The following ZNF541 variants were observed in gnomAD, a reference collection of about 807,000 sequenced individuals.
ZNF541 encodes the protein zinc finger protein 541.
A neutral mutation model predicts 123.5 loss-of-function variants in ZNF541; 23 were observed. The observed-to-expected ratio is 0.19, with a 90% confidence interval of 0.13 to 0.26. The LOEUF is 0.26. ZNF541 is among the 10% of genes least tolerant of loss of function. The pLI is 1.00. For synonymous variants in ZNF541, 751 were observed against 754.5 expected, an observed-to-expected ratio of 1.00 and a Z score of 0.08; for missense variants, 1,612 against 1,789.9, an observed-to-expected ratio of 0.90 and a Z score of 1.79.
intron 2 of ZNF541, among the ~76,000 whole-genome samples, chr19:47,570,170 A>T: frequency 6.6e-6 from 1 of 151,806 alleles, no homozygotes; most frequent in Non-Finnish European, 1.5e-5. Flanking sequence ...GCTACTCGGG[A>T]GGCTGAGGCA....
In ZNF541 at chr19:47,545,031, C is replaced by G. The variant is rs1970267879; in HGVS notation, c.1498G>C (p.Ala500Pro). Residue 500 changes from alanine to proline, a missense_variant, in exon 5 of 17, where the codon GCC becomes CCC. Physicochemically the swap from Ala to Pro is conservative, Grantham distance 27. This residue lies in a region of ZNF541 where 1,080 missense variants were observed against 1,013.8 expected (regional missense o/e 1.07). Coordinates refer to ENST00000391901, the MANE Select transcript of ZNF541 (RefSeq NM_001277075.3). The surrounding 1 kb of genome is among the most constrained non-coding windows in gnomAD (Gnocchi z 7.5). ...CAGTCGACCTTGACCTTCTTGGGGG[C>G]GCAGGGGTCATCTTCCCCGCTGGCC... ...RSASGEDDPCAPKKVKVDCDS... is the reference protein window; with the variant it reads ...RSASGEDDPCPPKKVKVDCDS... 2 of 1,491,892 alleles carry G rather than the reference C, an allele frequency of 1.3e-6. No homozygotes were observed. The highest frequency in any genetic ancestry group is 1.8e-6 in the Non-Finnish European group (2 of 1,125,536). 92.4% of individuals were successfully genotyped at this position (1,491,892 alleles called of 1,614,324 possible).
At chr19:47,540,720 G>A (rs557907990) in intron 6 of ZNF541, among the ~76,000 whole-genome samples, 173 bp downstream of exon 6, 38 of 152,262 alleles carry the variant, frequency 2.5e-4, no homozygotes, top group Admixed American at 9.8e-4. Context: ...GATTACAGGC[G>A]TGAGCCACCG....
chr19:47,558,395 A>G (rs371422265), intron 2 of ZNF541, among the ~76,000 whole-genome samples: 45 of 151,936 alleles, frequency 3.0e-4, no homozygotes, highest in African/African-American at 9.2e-4. Flanking sequence ...CAGCCTGGGC[A>G]ACAGAGCGAG....
chr19:47,529,419 C>T (rs1200082213), intron 13 of ZNF541, among the ~76,000 whole-genome samples, 158 bp downstream of exon 13: 2 of 152,156 alleles, frequency 1.3e-5, no homozygotes, highest in African/African-American at 4.8e-5. Context: ...CAGAATGTGG[C>T]GCCCACTGAG....
intron 2 of ZNF541, among the ~76,000 whole-genome samples, chr19:47,556,343 C>T (rs1206983437): frequency 9.2e-5 from 14 of 152,150 alleles, no homozygotes; most frequent in Admixed American, 3.3e-4. Flanking sequence ...TGTAAGCTCA[C>T]GTAGGCCCCA....
intron 9 of ZNF541, among the ~76,000 whole-genome samples, chr19:47,535,561 T>C (rs1251372179): frequency 6.6e-6 from 1 of 152,164 alleles, no homozygotes. Context: ...CAGTTAAATA[T>C]GGAGTTACCA....
At chr19:47,567,891 G>A (rs894328514) in intron 2 of ZNF541, among the ~76,000 whole-genome samples, 1 of 152,090 alleles carries the variant, frequency 6.6e-6, no homozygotes, top group Non-Finnish European at 1.5e-5. Flanking sequence ...ACATAACAAA[G>A]TCTGAGATTA....
chr19:47,537,691 C>T lies in ZNF541; in HGVS notation c.3094+451G>A, dbSNP rs534847746. Among the ~76,000 whole-genome samples the T allele has an allele frequency of 2.0e-5, 3 of 151,600 alleles. No homozygotes were observed. The East Asian group carries it at 5.8e-4, about 29-fold the overall frequency. On this transcript the variant is annotated intron_variant, in intron 9 of 16. Coordinates refer to ENST00000391901, the MANE Select transcript of ZNF541 (RefSeq NM_001277075.3). ...AGGAGCTCGAGACCAGCCTGGACAA[C>T]ATAGCAAGACCCCATCTCTAAGAAA...
intron 2 of ZNF541, among the ~76,000 whole-genome samples, 151 bp from the exon 3 acceptor site, chr19:47,556,105 C>A (rs773614246): frequency 6.6e-6 from 1 of 152,206 alleles, no homozygotes. Context: ...TTAAGCTCCA[C>A]GAGCCCCAGG....
Position 47,521,073 on chromosome 19 carries a change from G to T in ZNF541, c.*151C>A. 1.0e-6 allele frequency: 1 copy of T among 963,906 alleles called. No individual in the cohort carries two copies. The highest frequency in any genetic ancestry group is 1.5e-6 in the Non-Finnish European group (1 of 665,284). 59.7% of individuals were successfully genotyped at this position (963,906 alleles called of 1,614,324 possible). A position where few individuals can be genotyped will look rare whatever the true frequency, so the allele number is the denominator to read the frequency against. ...ACAACTGAGCTCCTCCTGCCTATCT[G>T]TGGCCAAATGCCCTCCATGTTTGCA... On this transcript the variant is annotated 3_prime_UTR_variant, in exon 17 of 17. Coordinates refer to ENST00000391901, the MANE Select transcript of ZNF541 (RefSeq NM_001277075.3). The surrounding 1 kb of genome is among the most constrained non-coding windows in gnomAD (Gnocchi z 4.2).
At chr19:47,567,495 A>C (rs994461238) in intron 2 of ZNF541, among the ~76,000 whole-genome samples, 1 of 152,142 alleles carries the variant, frequency 6.6e-6, no homozygotes, top group Non-Finnish European at 1.5e-5. Flanking sequence ...CCTTACCTCA[A>C]ATGATCCGCC....
In ZNF541 at chr19:47,550,081, G is replaced by A. The variant is rs547428707; in HGVS notation, c.308-596C>T. 3.9e-5 allele frequency among the ~76,000 whole-genome samples: 6 copies of A among 152,042 alleles called. No individual in the cohort carries two copies. The East Asian group carries it at 9.7e-4, about 24-fold the overall frequency. On this transcript the variant is annotated intron_variant, in intron 3 of 16. Coordinates refer to ENST00000391901, the MANE Select transcript of ZNF541 (RefSeq NM_001277075.3). ...AGCCTGGCCAACATGGTGAAACCCC[G>A]TCTCTACCAAAAATACAAAAATTAG...
Position 47,544,114 on chromosome 19 carries a change from G to A in ZNF541, c.2403+12C>T. 2 of 1,537,334 alleles carry A rather than the reference G, an allele frequency of 1.3e-6. No homozygotes were observed. Among genetic ancestry groups the A allele is most frequent in the Non-Finnish European group, 1.8e-6 (2 of 1,138,302 alleles). ...TCCACTCTGGTCAGGCCACGTGAGA[G>A]AGAGCTGGTACCTGGATTCTGCTGA... On this transcript the variant is annotated intron_variant, in intron 5 of 16. Coordinates refer to ENST00000391901, the MANE Select transcript of ZNF541 (RefSeq NM_001277075.3).
At position 47,545,806 on chromosome 19, in the gene ZNF541, G is replaced by C; in HGVS notation, c.723C>G (p.His241Gln). Residue 241 changes from histidine to glutamine, a missense_variant, in exon 5 of 17, where the codon CAC becomes CAG. Coordinates refer to ENST00000391901, the MANE Select transcript of ZNF541 (RefSeq NM_001277075.3). The surrounding 1 kb of genome is among the most constrained non-coding windows in gnomAD (Gnocchi z 7.5). The stretch of plus-strand genomic sequence containing the variant: ...GCGGCTGGCCGGCCGACTCGTGGGC[G>C]TGGGGGGAGTCCCCGCAGGCCTCTT... ...PEEEACGDSP[H>Q]AHESAGQPPP... The C allele has an allele frequency of 6.5e-7, 1 of 1,545,284 alleles. No homozygotes were observed. The highest frequency in any genetic ancestry group is 8.7e-7 in the Non-Finnish European group (1 of 1,144,936).
At chr19:47,529,750 G>A (rs2122939126) in intron 12 of ZNF541, 98 bp from the exon 13 acceptor site, 2 of 1,157,822 alleles carry the variant, frequency 1.7e-6, no homozygotes, top group South Asian at 1.4e-5. Flanking sequence ...GGCTGTCCCT[G>A]AAGACACTGC....
chr19:47,544,372 TG>T lies in ZNF541; in HGVS notation c.2156del (p.Pro719GlnfsTer57). On this transcript the variant is annotated frameshift_variant, in exon 5 of 17. Transcript: ENST00000391901. LOFTEE classifies it high-confidence loss of function. ...PGASLPGKQA[P>X]AENGAASRIT... ...TCCTTGAAGCCGCGCCATTCTCGGCTGGGGCCTGCTTCCCTGGCAGCGAGGC... is the reference window on the plus strand; with the variant it reads ...TCCTTGAAGCCGCGCCATTCTCGGCTGGGCCTGCTTCCCTGGCAGCGAGGC... 1 of 1,551,650 alleles carries T rather than the reference TG, an allele frequency of 6.4e-7. No homozygotes were observed. Among genetic ancestry groups the T allele is most frequent in the Non-Finnish European group, 8.7e-7 (1 of 1,147,002 alleles).
At position 47,571,393 on chromosome 19, in the gene ZNF541, C is replaced by T. The variant is rs368223693; in HGVS notation, c.-99+503G>A. 2.4e-4 allele frequency among the ~76,000 whole-genome samples: 36 copies of T among 152,344 alleles called. No individual in the cohort carries two copies. In the South Asian group the frequency reaches 2.5e-3, roughly 11 times the overall value. ...GGGATTACAGGCATGAGCCACTGCG[C>T]CCAGCCTACGCTGTCTTATTTAATT... is the stretch of plus-strand genomic sequence containing the variant. On this transcript the variant is annotated intron_variant, in intron 2 of 16. Transcript: ENST00000391901.
In ZNF541 at chr19:47,545,607, G is replaced by A. The variant is rs1970311900; in HGVS notation, c.922C>T (p.Pro308Ser). 4 of 1,549,214 alleles carry A rather than the reference G, an allele frequency of 2.6e-6. No individual in the cohort carries two copies. The African/African-American group carries it at 4.1e-5, about 16-fold the overall frequency. ...SDSEGRNTAC[P>S]CPASSGSSSC... ...GAGGACCCCGATGAGGCGGGGCAGG[G>A]ACAGGCAGTGTTCCTCCCTTCGCTG... The change falls in exon 5 of 17, where the codon CCC (proline) becomes TCC (serine). Residue 308 changes from proline (P) to serine (S), a missense_variant. Around this residue, in one of 5 missense-constraint regions of ZNF541, gnomAD observed 1,080 missense variants for 1,013.8 expected, o/e 1.07. Transcript: ENST00000391901. The surrounding 1 kb of genome is among the most constrained non-coding windows in gnomAD (Gnocchi z 7.5).
rs1307572722 is a variant in ZNF541, at chr19:47,544,303, G to T, written c.2226C>A (p.Gly742=). ...EKGPACSRGG[G]YRLLGNPRAP... is the part of the protein sequence containing the mutation. ...CCCTGGGGTTGCCCAAGAGCCGGTAGCCTCCACCCCGGGAGCAGGCTGGGC... is the reference window on the plus strand; with the variant it reads ...CCCTGGGGTTGCCCAAGAGCCGGTATCCTCCACCCCGGGAGCAGGCTGGGC... The change falls in exon 5 of 17, where the codon GGC becomes GGA. Residue 742 remains glycine, a synonymous_variant. Transcript: ENST00000391901. The T allele has an allele frequency of 2.6e-6, 4 of 1,551,532 alleles. No individual in the cohort carries two copies. The highest frequency in any genetic ancestry group is 1.4e-5 in the African/African-American group (1 of 73,068).
Sources: allele counts gnomAD v4.1 joint callset (sites outside exome capture counted in the v4.1 genomes callset), GRCh38; gene constraint gnomAD v4.1.1; regional missense constraint gnomAD v4.1.1; non-coding constraint Gnocchi (gnomAD v3.1); transcripts MANE v1.5; gene names NCBI Gene and HGNC (gene_info 2026-07-23, HGNC 2026-07-21).